LMTK2: variants seen among roughly 807,000 people sequenced by gnomAD.
The protein encoded by LMTK2 is lemur tail kinase 2.
In LMTK2, 37 loss-of-function variants were observed where a neutral mutation model predicts 127.5. The observed-to-expected ratio is 0.29, with a 90% CI of 0.22 to 0.38. LMTK2 has a LOEUF of 0.38. LMTK2 is among the 10% of genes least tolerant of loss of function. The probability of loss-of-function intolerance (pLI) is 1.00; values close to 1 mark genes in which losing one functional copy is unlikely to be tolerated. For missense variants in LMTK2, 1,694 were observed against 1,920.3 expected, an observed-to-expected ratio of 0.88 and a Z score of 2.20; for synonymous variants, 819 against 810.1, an observed-to-expected ratio of 1.01 and a Z score of -0.19.
At chr7:98,124,622 C>CA (rs2116336687) in intron 1 of LMTK2, among the ~76,000 whole-genome samples, 1 of 152,110 alleles carries the variant, frequency 6.6e-6, no homozygotes, top group East Asian at 1.9e-4. Context: ...CCTGTCTCTA[C>CA]AAAAAATTAA....
chr7:98,178,433 C>A (rs905240527), intron 7 of LMTK2, among the ~76,000 whole-genome samples: 25 of 152,154 alleles, frequency 1.6e-4, no homozygotes, highest in Admixed American at 1.6e-3. Context: ...TTCTGTCGAT[C>A]GCTCTGCTCA....
Position 98,192,017 on chromosome 7 carries a change from G to T in LMTK2, c.1552G>T (p.Gly518Trp). 6.2e-7 allele frequency: 1 copy of T among 1,608,410 alleles called. No homozygotes were observed. Among genetic ancestry groups the T allele is most frequent in the Non-Finnish European group, 8.5e-7 (1 of 1,175,398 alleles). The change falls in exon 11 of 14, where the codon GGG (glycine) becomes TGG (tryptophan). Residue 518 changes from glycine to tryptophan, a missense_variant. Gly to Trp is a radical substitution (Grantham distance 184). This residue lies in a region of LMTK2 where 216 missense variants were observed against 266.8 expected (regional missense o/e 0.81). Coordinates refer to ENST00000297293, the MANE Select transcript of LMTK2 (RefSeq NM_014916.4). ...TTTTGAGAGTTCGCTTTCAGATCCTGGGCCCGGAAAGCAAGATGACAGCGG... is the reference window on the plus strand; with the variant it reads ...TTTTGAGAGTTCGCTTTCAGATCCTTGGCCCGGAAAGCAAGATGACAGCGG... ...EVFESSLSDP[G>W]PGKQDDSGQD...
chr7:98,147,650 A>G (rs1386453987), intron 3 of LMTK2, among the ~76,000 whole-genome samples: 4 of 152,284 alleles, frequency 2.6e-5, no homozygotes, highest in East Asian at 1.9e-4. Context: ...GTGTCCCACA[A>G]GTTCCTTGGG....
chr7:98,150,615 C>G (rs888524064), intron 3 of LMTK2, among the ~76,000 whole-genome samples: 2 of 152,180 alleles, frequency 1.3e-5, no homozygotes, highest in Non-Finnish European at 2.9e-5. Flanking sequence ...GAATGTCTGT[C>G]CACTTGTGAA....
chr7:98,112,781 A>C (rs1796221217), intron 1 of LMTK2, among the ~76,000 whole-genome samples: 2 of 152,214 alleles, frequency 1.3e-5, no homozygotes, highest in Non-Finnish European at 2.9e-5. Context: ...AAGAAAAGAC[A>C]AAATAATTGT....
chr7:98,134,853 T>C (rs1208713025), intron 1 of LMTK2, among the ~76,000 whole-genome samples: 1 of 152,090 alleles, frequency 6.6e-6, no homozygotes, highest in African/African-American at 2.4e-5. Flanking sequence ...GGTTAGGGAG[T>C]TCTTGTTCTC....
At position 98,191,965 on chromosome 7, in the gene LMTK2, C is replaced by T; in HGVS notation, c.1500C>T (p.Tyr500=). The part of the protein sequence containing the change: ...SRGHLDEGLS[Y]TSIFYPVEVF... ...GCCACCTGGACGAAGGCTTGTCCTA[C>T]ACGAGCATCTTCTATCCGGTTGAAG... Residue 500 remains tyrosine, a synonymous_variant, in exon 11 of 14, where the codon TAC becomes TAT. Transcript: ENST00000297293. The T allele has an allele frequency of 1.2e-6, 2 of 1,614,176 alleles. No individual in the cohort carries two copies. Among genetic ancestry groups the T allele is most frequent in the Middle Eastern group, 1.6e-4 (1 of 6,062 alleles).
intron 6 of LMTK2, among the ~76,000 whole-genome samples, chr7:98,162,226 GAAACACAA>G (rs1306816892): frequency 1.3e-5 from 2 of 152,118 alleles, no homozygotes; most frequent in African/African-American, 4.8e-5. Context: ...GTTTTATAAA[GAAACACAA>G]AAACATGGTG....
chr7:98,121,982 C>T (rs541556349), intron 1 of LMTK2, among the ~76,000 whole-genome samples: 1 of 151,994 alleles, frequency 6.6e-6, no homozygotes, highest in South Asian at 2.1e-4. Context: ...GCGACAGAGC[C>T]GGACTGTCGA....
At chr7:98,163,371 G>A (rs550212424) in intron 6 of LMTK2, among the ~76,000 whole-genome samples, 70 of 152,128 alleles carry the variant, frequency 4.6e-4, no homozygotes, top group Non-Finnish European at 8.2e-4. Flanking sequence ...ACCTATGTTC[G>A]GAGGCTAGGA....
chr7:98,134,193 C>G (rs947139940), intron 1 of LMTK2, among the ~76,000 whole-genome samples: 10 of 152,164 alleles, frequency 6.6e-5, no homozygotes, highest in African/African-American at 2.4e-4. Context: ...GTCGTATTAC[C>G]TCAGAGGTAT....
At chr7:98,155,084 C>G (rs1796909400) in intron 5 of LMTK2, among the ~76,000 whole-genome samples, 1 of 152,188 alleles carries the variant, frequency 6.6e-6, no homozygotes, top group Non-Finnish European at 1.5e-5. Flanking sequence ...GAAAAGACAA[C>G]AGATTCCAAC....
intron 3 of LMTK2, among the ~76,000 whole-genome samples, chr7:98,144,656 T>C (rs906958418): frequency 6.6e-6 from 1 of 152,046 alleles, no homozygotes; most frequent in Non-Finnish European, 1.5e-5. Flanking sequence ...AGACTTTTTA[T>C]AGAGAAGTTT....
At chr7:98,137,631 C>A (rs939968595) in intron 2 of LMTK2, among the ~76,000 whole-genome samples, 189 bp downstream of exon 2, 1 of 152,220 alleles carries the variant, frequency 6.6e-6, no homozygotes, top group African/African-American at 2.4e-5. Flanking sequence ...AAAACAGCAG[C>A]TCAACTCTGC....
intron 1 of LMTK2, among the ~76,000 whole-genome samples, chr7:98,110,658 TAAAG>T (rs1472175726): frequency 1.3e-5 from 2 of 152,198 alleles, no homozygotes; most frequent in Non-Finnish European, 2.9e-5. Context: ...GGACTAGAAA[TAAAG>T]AAAGATCTTG....
At chr7:98,161,784 G>A (rs757762918) in intron 6 of LMTK2, among the ~76,000 whole-genome samples, 33 of 152,050 alleles carry the variant, frequency 2.2e-4, no homozygotes, top group Non-Finnish European at 1.8e-4. Flanking sequence ...ACAGAGATGC[G>A]CCCTCAGGTG....
chr7:98,205,473 AAG>A lies in LMTK2; in HGVS notation c.4495_4496del (p.Asp1499ArgfsTer40). The A allele has an allele frequency of 6.2e-7, 1 of 1,613,534 alleles. No individual in the cohort carries two copies. Among genetic ancestry groups the A allele is most frequent in the Non-Finnish European group, 8.5e-7 (1 of 1,180,024 alleles). Reference sequence around the variant, plus strand: ...CCTCTCTCCTCAACAGGAAGCAGCGAAGACGGAGAAAAGGACTAGGTGGCTGC... The same window carrying A: ...CCTCTCTCCTCAACAGGAAGCAGCGAACGGAGAAAAGGACTAGGTGGCTGC... On this transcript the variant is annotated frameshift_variant, in exon 14 of 14. Transcript: ENST00000297293. LOFTEE classifies it high-confidence loss of function.
At chr7:98,166,290 A>G (rs1797098588) in intron 6 of LMTK2, among the ~76,000 whole-genome samples, 2 of 152,224 alleles carry the variant, frequency 1.3e-5, no homozygotes, top group African/African-American at 4.8e-5. Flanking sequence ...CTGTAGCTGG[A>G]GCGCTGGAGC....
chr7:98,113,796 G>A (rs1282144052), intron 1 of LMTK2, among the ~76,000 whole-genome samples: 1 of 152,174 alleles, frequency 6.6e-6, no homozygotes, highest in East Asian at 1.9e-4. Context: ...GGTAAAATTA[G>A]CATGTCTGCA....
Sources: gnomAD v4.1 joint callset for allele counts (sites outside exome capture counted in the v4.1 genomes callset) on GRCh38, gnomAD v4.1.1 for gene constraint, gnomAD v4.1.1 regional missense constraint, MANE v1.5 for transcripts, NCBI Gene and HGNC (gene_info 2026-07-23, HGNC 2026-07-21) for gene names.